Variants in SLIT1 observed in about 807,000 individuals in gnomAD.
The protein encoded by SLIT1 is slit guidance ligand 1.
A neutral mutation model predicts 186.1 loss-of-function variants in SLIT1; 66 were observed. The ratio of observed to expected loss-of-function variants is 0.35; its 90% CI spans 0.29 to 0.44. SLIT1 has a LOEUF of 0.44. Among genes scored for constraint, SLIT1 ranks in the 20% least tolerant of loss-of-function variants. SLIT1 has a pLI of 1.00. For synonymous variants in SLIT1, 761 were observed against 833.8 expected, an observed-to-expected ratio of 0.91 and a Z score of 1.50; for missense variants, 1,638 against 2,037.4, an observed-to-expected ratio of 0.80 and a Z score of 3.77.
intron 4 of SLIT1, among the ~76,000 whole-genome samples, chr10:97,121,757 C>T (rs976287095): frequency 2.0e-5 from 3 of 152,194 alleles, no homozygotes; most frequent in Non-Finnish European, 4.4e-5. Context: ...TACCTTGGCT[C>T]CATTTCATCT....
intron 4 of SLIT1, among the ~76,000 whole-genome samples, chr10:97,116,914 C>T (rs1253154440): frequency 1.3e-5 from 2 of 152,190 alleles, no homozygotes; most frequent in South Asian, 2.1e-4. Flanking sequence ...TCCTTCCACC[C>T]GTCAGCTTGT....
Position 97,157,894 on chromosome 10 carries a change from A to G in SLIT1, c.342-5T>C, listed in dbSNP as rs1294216802. 4 of 1,610,788 alleles carry G rather than the reference A, an allele frequency of 2.5e-6. No homozygotes were observed. The highest frequency in any genetic ancestry group is 3.4e-6 in the Non-Finnish European group (4 of 1,176,928). On this transcript the variant is annotated splice_region_variant and splice_polypyrimidine_tract_variant and intron_variant, in intron 3 of 36. Coordinates refer to ENST00000266058, the MANE Select transcript of SLIT1 (RefSeq NM_003061.3). Reference sequence around the variant, plus strand: ...AGCTGGTTTCGGTTCAGTCGCCTATAAAAGAGAAGAAGAATTGGAAATCAC... The same window carrying G: ...AGCTGGTTTCGGTTCAGTCGCCTATGAAAGAGAAGAAGAATTGGAAATCAC...
intron 4 of SLIT1, among the ~76,000 whole-genome samples, chr10:97,122,450 C>T (rs1250062252): frequency 6.6e-6 from 1 of 152,142 alleles, no homozygotes; most frequent in Non-Finnish European, 1.5e-5. Context: ...GAGCAGGTGG[C>T]AGAGGAACCC....
At chr10:97,036,106 G>A (rs767150552) in intron 22 of SLIT1, among the ~76,000 whole-genome samples, 35 of 152,124 alleles carry the variant, frequency 2.3e-4, no homozygotes, top group African/African-American at 3.4e-4. Flanking sequence ...CACTTCATGC[G>A]CTCTCAGCTC....
intron 11 of SLIT1, chr10:97,058,102 G>T: frequency 1.4e-6 from 1 of 716,758 alleles, no homozygotes; most frequent in Non-Finnish European, 2.6e-6. Flanking sequence ...CGGGGCCAGT[G>T]TGGCTGGAAT....
At chr10:97,129,205 C>A (rs1849630901) in intron 4 of SLIT1, among the ~76,000 whole-genome samples, 1 of 152,004 alleles carries the variant, frequency 6.6e-6, no homozygotes, top group Non-Finnish European at 1.5e-5. Context: ...AGTTCGAGAC[C>A]AGCCTGAGCA....
chr10:97,173,312 G>C (rs1474135365), intron 1 of SLIT1, among the ~76,000 whole-genome samples: 6 of 152,170 alleles, frequency 3.9e-5, no homozygotes, highest in African/African-American at 1.2e-4. Flanking sequence ...ATAAACATGA[G>C]CTCCACATGC....
intron 4 of SLIT1, chr10:97,157,572 A>G (rs1849967838): frequency 1.9e-6 from 1 of 534,592 alleles, no homozygotes. Context: ...CCACACTGTC[A>G]GCGGCAGCTC....
intron 4 of SLIT1, among the ~76,000 whole-genome samples, chr10:97,128,528 G>A (rs375997940): frequency 1.3e-5 from 2 of 152,098 alleles, no homozygotes; most frequent in South Asian, 4.1e-4. Context: ...CACCTCCCTC[G>A]GGCTCTGGGA....
chr10:97,135,173 C>T (rs573229878), intron 4 of SLIT1, among the ~76,000 whole-genome samples: 4 of 152,310 alleles, frequency 2.6e-5, no homozygotes, highest in African/African-American at 7.2e-5. Context: ...GCTTCACGAA[C>T]GGGACCCAGC....
intron 4 of SLIT1, among the ~76,000 whole-genome samples, chr10:97,072,046 G>T (rs918726967): frequency 1.3e-5 from 2 of 152,232 alleles, no homozygotes; most frequent in African/African-American, 2.4e-5. Flanking sequence ...TGGTATGACT[G>T]GGGAGGAGCA....
At chr10:97,128,793 T>C (rs879514552) in intron 4 of SLIT1, among the ~76,000 whole-genome samples, 7 of 152,100 alleles carry the variant, frequency 4.6e-5, no homozygotes, top group Non-Finnish European at 8.8e-5. Context: ...CACCAGATCC[T>C]GCCGGAGGGA....
At chr10:97,034,367 G>C in intron 23 of SLIT1, 104 bp downstream of exon 23, 1 of 825,650 alleles carries the variant, frequency 1.2e-6, no homozygotes, top group Non-Finnish European at 2.1e-6. Flanking sequence ...AGGGCAAGGC[G>C]TCTGCAGGCG....
At chr10:97,044,792 C>T (rs951137749) in intron 18 of SLIT1, among the ~76,000 whole-genome samples, 4 of 152,170 alleles carry the variant, frequency 2.6e-5, no homozygotes, top group African/African-American at 4.8e-5. Context: ...GAATTCCTAA[C>T]AAGAGTATTA....
In SLIT1 at chr10:97,185,639, C is replaced by A. The variant is rs1850403377; in HGVS notation, c.36G>T (p.Gly12=). The A allele has an allele frequency of 1.3e-6, 2 of 1,544,688 alleles. No homozygotes were observed. Among genetic ancestry groups the A allele is most frequent in the Non-Finnish European group, 1.7e-6 (2 of 1,147,096 alleles). Residue 12 remains glycine (G), a synonymous_variant, in exon 1 of 37, where the codon GGG becomes GGT. Coordinates refer to ENST00000266058, the MANE Select transcript of SLIT1 (RefSeq NM_003061.3). ...GCAGCCAGAGCTCCGGCCGGACCGG[C>A]CCCGCCGAGGACCCCCACCCGGGAG... ...ALTPGWGSSA[G]PVRPELWLLL...
At position 97,081,868 on chromosome 10, in the gene SLIT1, C is replaced by A. The variant is rs112170419; in HGVS notation, c.414-15782G>T. 4.0e-3 allele frequency among the ~76,000 whole-genome samples: 604 copies of A among 152,314 alleles called. 3 individuals are homozygous for A. The highest frequency in any genetic ancestry group is 0.011 in the African/African-American group (468 of 41,564). ...TCCATCCGGCGGCTCTTCCTCTGCTCAGGGCTAAAGACTCACCTTGGATCC... is the reference window on the plus strand; with the variant it reads ...TCCATCCGGCGGCTCTTCCTCTGCTAAGGGCTAAAGACTCACCTTGGATCC... On this transcript the variant is annotated intron_variant, in intron 4 of 36. Transcript: ENST00000266058.
chr10:97,082,975 T>C (rs961245777), intron 4 of SLIT1, among the ~76,000 whole-genome samples: 2 of 152,168 alleles, frequency 1.3e-5, no homozygotes, highest in Non-Finnish European at 2.9e-5. Context: ...TCCAGTGGCA[T>C]AATTGTAGCT....
At chr10:97,025,493 C>G (rs1848537262) in intron 25 of SLIT1, among the ~76,000 whole-genome samples, 1 of 152,246 alleles carries the variant, frequency 6.6e-6, no homozygotes, top group Admixed American at 6.5e-5. Context: ...TGAGGACTGC[C>G]TTGCCCTCTC....
chr10:97,032,534 A>C (rs1848600549), intron 23 of SLIT1, among the ~76,000 whole-genome samples: 1 of 150,826 alleles, frequency 6.6e-6, no homozygotes, highest in Non-Finnish European at 1.5e-5. Flanking sequence ...GCGCCACTGC[A>C]CTCCAGCCTG....
Sources: allele counts gnomAD v4.1 joint callset (sites outside exome capture counted in the v4.1 genomes callset), GRCh38; gene constraint gnomAD v4.1.1; transcripts MANE v1.5; gene names NCBI Gene and HGNC (gene_info 2026-07-23, HGNC 2026-07-21).